The following SLC43A1 variants were observed in gnomAD, a reference collection of about 807,000 sequenced individuals.
SLC43A1 encodes the protein solute carrier family 43 member 1.
SLC43A1 carries 31 observed loss-of-function variants against 59.5 expected under a neutral mutation model. That is an observed-to-expected ratio of 0.52 (90% CI 0.39 to 0.70). SLC43A1 has a LOEUF of 0.70. Among genes scored for constraint, SLC43A1 ranks in the 30% least tolerant of loss-of-function variants. The pLI is 0.00. For synonymous variants in SLC43A1, 259 were observed against 290.9 expected, an observed-to-expected ratio of 0.89 and a Z score of 1.12; for missense variants, 598 against 717.8, an observed-to-expected ratio of 0.83 and a Z score of 1.91.
chr11:57,492,826 G>A (rs1347516116), intron 8 of SLC43A1, among the ~76,000 whole-genome samples: 3 of 150,460 alleles, frequency 2.0e-5, no homozygotes, highest in Non-Finnish European at 4.4e-5. Flanking sequence ...AGCATCATGA[G>A]GTCAGGAGTT....
At chr11:57,497,717 TG>T (rs573863329) in intron 6 of SLC43A1, 35 bp downstream of exon 6, 2 of 1,554,072 alleles carry the variant, frequency 1.3e-6, no homozygotes, top group Non-Finnish European at 1.8e-6. Context: ...CCGGTTCTTG[TG>T]TCAAGACAAA....
intron 2 of SLC43A1, among the ~76,000 whole-genome samples, chr11:57,513,515 A>C (rs1211738669): frequency 1.3e-5 from 2 of 152,236 alleles, no homozygotes; most frequent in Non-Finnish European, 2.9e-5. Context: ...GAGGCTATGT[A>C]ACTTTGTCCA....
At chr11:57,500,628 C>T (rs1944235194) in intron 5 of SLC43A1, 151 bp downstream of exon 5, 5 of 704,426 alleles carry the variant, frequency 7.1e-6, no homozygotes, top group Admixed American at 6.4e-5. Context: ...TCTTTGCAGC[C>T]ACCTGCACAG....
rs779323542 is a variant in SLC43A1 at position 57,497,820 on chromosome 11, C to T, written c.491G>A (p.Arg164His). The T allele has an allele frequency of 4.3e-6, 7 of 1,613,318 alleles. No individual in the cohort carries two copies. The highest frequency in any genetic ancestry group is 4.2e-6 in the Non-Finnish European group (5 of 1,179,840). Residue 164 changes from arginine (R) to histidine (H), a missense_variant, in exon 6 of 15, where the codon CGC becomes CAC. Arg to His is a conservative substitution (Grantham distance 29). Coordinates refer to ENST00000278426, the MANE Select transcript of SLC43A1 (RefSeq NM_003627.6). ...LTLPNMFGNL[R>H]STLMALMIGS... ...AATCATGAGGGCCATTAACGTGGAGCGCAGGTTCCCAAACATGTTGGGCAG... is the reference window on the plus strand; with the variant it reads ...AATCATGAGGGCCATTAACGTGGAGTGCAGGTTCCCAAACATGTTGGGCAG...
chr11:57,491,120 G>C, intron 11 of SLC43A1, 104 bp downstream of exon 11: 1 of 1,365,080 alleles, frequency 7.3e-7, no homozygotes, highest in Non-Finnish European at 9.7e-7. Flanking sequence ...TGATCTCCTA[G>C]GGTTCTTGGG....
intron 2 of SLC43A1, among the ~76,000 whole-genome samples, chr11:57,508,292 A>G (rs1242111467): frequency 6.6e-6 from 1 of 151,988 alleles, no homozygotes; most frequent in African/African-American, 2.4e-5. Flanking sequence ...AAAGAAAAGA[A>G]AGAAAGATAG....
rs1308834235 is a variant in SLC43A1 at position 57,509,682 on chromosome 11, G to C, written c.154+4276C>G. On this transcript the variant is annotated intron_variant, in intron 2 of 14. Coordinates refer to ENST00000278426, the MANE Select transcript of SLC43A1 (RefSeq NM_003627.6). ...GGAGGGAGGAAGGGAAGGAGGGAGG[G>C]AGGGAGAGAGGGAGGGAGGGAGAGA... 7.5e-5 allele frequency among the ~76,000 whole-genome samples: 9 copies of C among 119,608 alleles called. 1 individual carries two copies. In the South Asian group the frequency reaches 1.7e-3, roughly 23 times the overall value. The allele number at this position is 119,608 out of a possible 152,430, so 78.5% of individuals were successfully genotyped here.
intron 10 of SLC43A1, 108 bp downstream of exon 10, chr11:57,491,483 C>T: frequency 6.3e-7 from 1 of 1,578,348 alleles, no homozygotes; most frequent in Non-Finnish European, 8.6e-7. Flanking sequence ...CTCTTACATC[C>T]CACAAAAGGG....
In SLC43A1 at chr11:57,493,938, T is replaced by G. The variant is rs894064057; in HGVS notation, c.871+55A>C. ...TACTCAACCATGAGTGCTCACTGAATATGAGGACCCACCATCACTATCCCC... is the reference window on the plus strand; with the variant it reads ...TACTCAACCATGAGTGCTCACTGAAGATGAGGACCCACCATCACTATCCCC... On this transcript the variant is annotated intron_variant, in intron 8 of 14. Coordinates refer to ENST00000278426, the MANE Select transcript of SLC43A1 (RefSeq NM_003627.6). 4.0e-6 allele frequency: 6 copies of G among 1,505,534 alleles called. No homozygotes were observed. The East Asian group carries it at 1.2e-4, about 30-fold the overall frequency. 93.3% of individuals were successfully genotyped at this position (1,505,534 alleles called of 1,614,324 possible). A position where few individuals can be genotyped will look rare whatever the true frequency, so the allele number is the denominator to read the frequency against.
chr11:57,491,178 C>A, intron 11 of SLC43A1, 46 bp downstream of exon 11: 1 of 1,481,756 alleles, frequency 6.7e-7, no homozygotes, highest in South Asian at 1.5e-5. Context: ...AAATGAAAAG[C>A]ACTGCCTGAC....
intron 2 of SLC43A1, among the ~76,000 whole-genome samples, chr11:57,503,664 C>T (rs1199034154): frequency 6.6e-6 from 1 of 152,148 alleles, no homozygotes; most frequent in Non-Finnish European, 1.5e-5. Context: ...ATTCTACACC[C>T]ACTTACTGGA....
intron 2 of SLC43A1, among the ~76,000 whole-genome samples, chr11:57,513,679 C>G (rs187743391): frequency 6.6e-6 from 1 of 152,362 alleles, no homozygotes; most frequent in African/African-American, 2.4e-5. Context: ...TCAAAGAGCT[C>G]TAGACCTGAG....
At chr11:57,492,519 A>T (rs1943945588) in intron 8 of SLC43A1, among the ~76,000 whole-genome samples, 3 of 127,254 alleles carry the variant, frequency 2.4e-5, no homozygotes, top group African/African-American at 9.4e-5. Flanking sequence ...ATAATAATAT[A>T]ATATATATAA....
rs767412103 is a variant in SLC43A1 at position 57,501,295 on chromosome 11, C to A, written c.189G>T (p.Gln63His). Reference protein sequence around the residue: ...ESSTNTTQDEQRRWPGCDQQD... With the variant: ...ESSTNTTQDEHRRWPGCDQQD... ...GCTGGTCACAGCCTGGCCACCTGCG[C>A]TGCTCATCCTGGGTGGTGTTGGTGC... is the stretch of plus-strand genomic sequence containing the variant. Residue 63 changes from glutamine to histidine, a missense_variant, in exon 3 of 15, where the codon CAG becomes CAT. Coordinates refer to ENST00000278426, the MANE Select transcript of SLC43A1 (RefSeq NM_003627.6). 2 of 1,611,144 alleles carry A rather than the reference C, an allele frequency of 1.2e-6. No homozygotes were observed. The highest frequency in any genetic ancestry group is 4.5e-5 in the East Asian group (2 of 44,900).
intron 5 of SLC43A1, among the ~76,000 whole-genome samples, chr11:57,498,814 T>C (rs1308375465): frequency 6.6e-6 from 1 of 152,012 alleles, no homozygotes; most frequent in Non-Finnish European, 1.5e-5. Context: ...ATTTAATTGA[T>C]CATGTGTTCC....
rs202124465 is a variant in SLC43A1, at chr11:57,487,226, C to T, written c.1410-8G>A. ...AAGTGGTTGGATGGGAACCTGTCCACGAGACGGGGAGTATCAGGGGTGTGT... is the reference window on the plus strand; with the variant it reads ...AAGTGGTTGGATGGGAACCTGTCCATGAGACGGGGAGTATCAGGGGTGTGT... On this transcript the variant is annotated splice_polypyrimidine_tract_variant and splice_region_variant and intron_variant, in intron 13 of 14. Coordinates refer to ENST00000278426, the MANE Select transcript of SLC43A1 (RefSeq NM_003627.6). 1.9e-3 allele frequency: 3,059 copies of T among 1,611,310 alleles called. 2 individuals are homozygous for T. The highest frequency in any genetic ancestry group is 2.4e-3 in the Non-Finnish European group (2,780 of 1,178,034).
At position 57,500,857 on chromosome 11, in the gene SLC43A1, T is replaced by C; in HGVS notation, c.389-2A>G. ...CCAGGAATATCAACGGAGACAGAGC[T>C]GGAAAGGGGAAAGCAGCAGATGAGG... On this transcript the variant is annotated splice_acceptor_variant, in intron 4 of 14. Transcript: ENST00000278426. LOFTEE classifies it high-confidence loss of function. 6.2e-7 allele frequency: 1 copy of C among 1,613,974 alleles called. No homozygotes were observed. Among genetic ancestry groups the C allele is most frequent in the Non-Finnish European group, 8.5e-7 (1 of 1,179,976 alleles).
chr11:57,492,565 TATATATATAAAA>T (rs1299638099), intron 8 of SLC43A1, among the ~76,000 whole-genome samples: 2 of 15,330 alleles, frequency 1.3e-4, no homozygotes, highest in Admixed American at 8.8e-4. Flanking sequence ...TATATATATA[TATATATATAAAA>T]AAATAAGCCA....
At chr11:57,496,228 T>A (rs1403624584) in intron 6 of SLC43A1, 64 bp from the exon 7 acceptor site, 2 of 1,581,324 alleles carry the variant, frequency 1.3e-6, no homozygotes, top group East Asian at 2.3e-5. Context: ...CCAAGGTAGA[T>A]CCCAGGCCTC....
Sources: gnomAD v4.1 joint callset for allele counts (sites outside exome capture counted in the v4.1 genomes callset) on GRCh38, gnomAD v4.1.1 for gene constraint, MANE v1.5 for transcripts, NCBI Gene and HGNC (gene_info 2026-07-23, HGNC 2026-07-21) for gene names.